Variants in GRID1 observed in about 807,000 individuals in gnomAD.
The protein encoded by GRID1 is glutamate receptor ionotropic, delta-1.
Under a neutral mutation model 98.0 loss-of-function variants are expected in GRID1, and 28 were observed. The ratio of observed to expected loss-of-function variants is 0.29; its 90% CI spans 0.21 to 0.39. The LOEUF (loss-of-function observed/expected upper bound fraction) is 0.39. Ranked by LOEUF, GRID1 falls within the 10% of genes least tolerant of loss-of-function variation. GRID1 has a pLI of 1.00. For synonymous variants in GRID1, 553 were observed against 538.5 expected (o/e 1.03, Z -0.37); for missense variants, 1,111 against 1,340.5 (o/e 0.83, Z 2.67).
intron 4 of GRID1, among the ~76,000 whole-genome samples, chr10:86,070,191 G>A (rs761254803): frequency 2.6e-5 from 4 of 152,166 alleles, no homozygotes; most frequent in South Asian, 2.1e-4. Flanking sequence ...GCTTGGAAGC[G>A]TTTCTGGAAT....
At chr10:85,853,778 C>T (rs1843083033) in intron 8 of GRID1, among the ~76,000 whole-genome samples, 1 of 152,144 alleles carries the variant, frequency 6.6e-6, no homozygotes, top group African/African-American at 2.4e-5. Context: ...TTGTCCTAGC[C>T]CTGTTAGACT....
chr10:86,018,012 GACTCTCCCAGGCACTTCACACCC>G (rs1274017365), intron 4 of GRID1, among the ~76,000 whole-genome samples: 2 of 152,142 alleles, frequency 1.3e-5, no homozygotes, highest in East Asian at 3.9e-4. Context: ...TCCTCACACA[GACTCTCCCAGGCACTTCACACCC>G]ACTCTCCCAG....
intron 2 of GRID1, among the ~76,000 whole-genome samples, chr10:86,207,773 A>T (rs1846052423): frequency 6.6e-6 from 1 of 151,674 alleles, no homozygotes; most frequent in African/African-American, 2.4e-5. Context: ...CTGGGACTAC[A>T]GGCACGCGCC....
chr10:85,694,985 G>T (rs1356129259), intron 12 of GRID1, among the ~76,000 whole-genome samples: 1 of 151,868 alleles, frequency 6.6e-6, no homozygotes, highest in East Asian at 1.9e-4. Flanking sequence ...AACAATAGAG[G>T]AAAGTGGAGG....
chr10:85,667,766 G>C (rs929318445), intron 12 of GRID1, among the ~76,000 whole-genome samples: 2 of 152,162 alleles, frequency 1.3e-5, no homozygotes, highest in African/African-American at 4.8e-5. Flanking sequence ...GTGAATGAGT[G>C]GATGAGTCCA....
intron 2 of GRID1, among the ~76,000 whole-genome samples, chr10:86,280,958 A>G (rs766394548): frequency 1.1e-4 from 17 of 152,178 alleles, no homozygotes; most frequent in Non-Finnish European, 2.5e-4. Context: ...TTTTCTAAGA[A>G]GCGCTCCCTG....
intron 4 of GRID1, among the ~76,000 whole-genome samples, chr10:86,064,464 C>T (rs985189432): frequency 6.6e-6 from 1 of 152,240 alleles, no homozygotes; most frequent in Non-Finnish European, 1.5e-5. Context: ...ACCAGAGGTG[C>T]TAGGCATCAG....
intron 2 of GRID1, among the ~76,000 whole-genome samples, chr10:86,282,179 C>A (rs1208596181): frequency 6.6e-6 from 1 of 152,190 alleles, no homozygotes; most frequent in Non-Finnish European, 1.5e-5. Context: ...ATTCATGAAG[C>A]CCCTGCAAAT....
At chr10:86,274,379 G>T (rs1459313786) in intron 2 of GRID1, among the ~76,000 whole-genome samples, 1 of 152,188 alleles carries the variant, frequency 6.6e-6, no homozygotes, top group Non-Finnish European at 1.5e-5. Context: ...GCTTAGGATT[G>T]ACTTGGCAAG....
intron 8 of GRID1, among the ~76,000 whole-genome samples, chr10:85,811,693 C>T (rs1242774081): frequency 6.6e-6 from 1 of 152,040 alleles, no homozygotes; most frequent in African/African-American, 2.4e-5. Flanking sequence ...AGAAAGCCTA[C>T]AGAATTTATG....
chr10:86,290,497 A>T (rs992337611), intron 2 of GRID1, among the ~76,000 whole-genome samples: 2 of 152,056 alleles, frequency 1.3e-5, no homozygotes, highest in Non-Finnish European at 2.9e-5. Flanking sequence ...AAATAAAAAT[A>T]AAAAAATTAG....
intron 4 of GRID1, among the ~76,000 whole-genome samples, chr10:85,961,815 C>G (rs966023793): frequency 2.0e-5 from 3 of 151,776 alleles, no homozygotes; most frequent in African/African-American, 7.3e-5. Flanking sequence ...TCAGGCTTCC[C>G]TCCCTCCCTC....
intron 15 of GRID1, chr10:85,605,432 C>T (rs778100480): frequency 3.9e-5 from 6 of 152,214 alleles, no homozygotes; most frequent in Non-Finnish European, 8.8e-5. Flanking sequence ...AGCTGGTCAC[C>T]CTCACTGTCA....
intron 2 of GRID1, among the ~76,000 whole-genome samples, chr10:86,233,389 T>A (rs899144255): frequency 6.6e-6 from 1 of 152,200 alleles, no homozygotes; most frequent in Non-Finnish European, 1.5e-5. Flanking sequence ...GCGGAGGCTG[T>A]TCCCTGATGG....
chr10:85,751,252 T>C (rs529584617), intron 8 of GRID1, among the ~76,000 whole-genome samples: 12 of 152,346 alleles, frequency 7.9e-5, no homozygotes, highest in Non-Finnish European at 1.5e-4. Context: ...TTGGTAGTGT[T>C]ATTATAAATG....
At chr10:86,063,467 T>G (rs1460593126) in intron 4 of GRID1, among the ~76,000 whole-genome samples, 1 of 152,176 alleles carries the variant, frequency 6.6e-6, no homozygotes, top group East Asian at 1.9e-4. Flanking sequence ...AAAAAGGTTA[T>G]TTCAAAACTG....
chr10:85,883,664 A>C (rs1482212048), intron 5 of GRID1, among the ~76,000 whole-genome samples: 1 of 152,122 alleles, frequency 6.6e-6, no homozygotes, highest in Admixed American at 6.6e-5. Context: ...TACTTCAAAA[A>C]CTATTTATGC....
At chr10:85,710,883 A>T (rs1394345496) in intron 12 of GRID1, among the ~76,000 whole-genome samples, 1 of 152,070 alleles carries the variant, frequency 6.6e-6, no homozygotes, top group Non-Finnish European at 1.5e-5. Context: ...AAATTGTGGA[A>T]ATGCAAACCA....
intron 4 of GRID1, among the ~76,000 whole-genome samples, chr10:85,919,213 T>C (rs1039899275): frequency 2.6e-5 from 4 of 152,346 alleles, no homozygotes; most frequent in Non-Finnish European, 5.9e-5. Context: ...AGGGAGCAGG[T>C]GGGAGCCTTG....
Sources: gnomAD v4.1 joint callset for allele counts (sites outside exome capture counted in the v4.1 genomes callset) on GRCh38, gnomAD v4.1.1 for gene constraint, MANE v1.5 for transcripts, NCBI Gene and HGNC (gene_info 2026-07-23, HGNC 2026-07-21) for gene names.